The following PWWP2A variants were observed in gnomAD, a reference collection of about 807,000 sequenced individuals.
PWWP2A encodes PWWP domain-containing protein 2A.
A neutral mutation model predicts 48.5 loss-of-function variants in PWWP2A; 18 were observed. That is an observed-to-expected ratio of 0.37 (90% CI 0.26 to 0.55). The LOEUF (loss-of-function observed/expected upper bound fraction) is 0.55. Ranked by LOEUF, PWWP2A falls within the 20% of genes least tolerant of loss-of-function variation. The probability of loss-of-function intolerance (pLI) is 0.81; values close to 1 mark genes in which losing one functional copy is unlikely to be tolerated. For synonymous variants in PWWP2A, 396 were observed against 387.7 expected, an observed-to-expected ratio of 1.02 and a Z score of -0.25; for missense variants, 867 against 976.4, an observed-to-expected ratio of 0.89 and a Z score of 1.49.
the PWWP2A span, among the ~76,000 whole-genome samples, chr5:160,049,952 A>T: frequency 6.6e-6 from 1 of 152,014 alleles, no homozygotes; most frequent in Admixed American, 6.5e-5. Context: ...GGTCGTACAC[A>T]TCTGTAATCC....
At chr5:160,116,819 G>C in intron 1 of PWWP2A, 1 of 983,782 alleles carries the variant, frequency 1.0e-6, no homozygotes, top group Non-Finnish European at 1.2e-6. Context: ...GAGGCCGGGC[G>C]AGGTGGCTCA....
In PWWP2A at chr5:160,093,476, C is replaced by A. The variant is rs200970820; in HGVS notation, c.1174G>T (p.Ala392Ser). ...TTTACTACTCTGCCTCTGCTGTGAG[C>A]AATATTTGAAACCTTAACCACAGCA... Reference protein sequence around the residue: ...RNAVVKVSNIAHSRGRVVKVS... With the variant: ...RNAVVKVSNISHSRGRVVKVS... The change falls in exon 2 of 2, where the codon GCT becomes TCT. Residue 392 changes from alanine (A) to serine (S), a missense_variant. Ala to Ser is a moderately conservative substitution (Grantham distance 99). This residue lies in a region of PWWP2A where 382 missense variants were observed against 407.2 expected (regional missense o/e 0.94). Coordinates refer to ENST00000307063, the MANE Select transcript of PWWP2A (RefSeq NM_001130864.2). This position sits in a 1 kb window ranked among gnomAD's most constrained non-coding sequence, Gnocchi z 5.8. 3.3e-5 allele frequency: 54 copies of A among 1,613,904 alleles called. No homozygotes were observed. In the African/African-American group the frequency reaches 7.1e-4, roughly 21 times the overall value.
At position 160,104,518 on chromosome 5, in the gene PWWP2A, C is replaced by T. The variant is rs961332369; in HGVS notation, c.585-10453G>A. The stretch of plus-strand genomic sequence containing the variant: ...TGTATCTAAATTACTTTGTTAAAAA[C>T]GTGGCCAGGCACAGTGGCTCACACC... On this transcript the variant is annotated intron_variant, in intron 1 of 1. Transcript: ENST00000307063. Among the ~76,000 whole-genome samples the T allele has an allele frequency of 7.2e-5, 11 of 151,910 alleles. No individual in the cohort carries two copies. In the East Asian group the frequency reaches 1.7e-3, roughly 24 times the overall value.
At chr5:160,057,724 T>C (rs1215145598), downstream of PWWP2A, among the ~76,000 whole-genome samples, 2 of 152,190 alleles carry the variant, frequency 1.3e-5, no homozygotes, top group Non-Finnish European at 2.9e-5. This position sits in a 1 kb window ranked among gnomAD's most constrained non-coding sequence, Gnocchi z 4.4. Context: ...TCTCAAACCC[T>C]GCTGCTGCTT....
At chr5:160,069,961 C>A (rs1305581280) in intron 2 of PWWP2A, among the ~76,000 whole-genome samples, 1 of 152,234 alleles carries the variant, frequency 6.6e-6, no homozygotes, top group East Asian at 1.9e-4. Flanking sequence ...TATTCCCACA[C>A]TGTATCGTAA....
chr5:160,079,730 A>T (rs1341979282), intron 3 of PWWP2A, among the ~76,000 whole-genome samples: 1 of 152,226 alleles, frequency 6.6e-6, no homozygotes, highest in Non-Finnish European at 1.5e-5. Context: ...ACTCAAACAG[A>T]TCTTACTATT....
chr5:160,049,669 C>G, the PWWP2A span: 1 of 1,557,108 alleles, frequency 6.4e-7, no homozygotes, highest in Admixed American at 2.1e-5. Flanking sequence ...TATGGTAAAA[C>G]CTAAAATTTT....
intron 2 of PWWP2A, among the ~76,000 whole-genome samples, chr5:160,070,351 C>T (rs2113441737): frequency 6.6e-6 from 1 of 151,964 alleles, no homozygotes; most frequent in South Asian, 2.1e-4. Context: ...CACATGCTTT[C>T]AGCCCCAGCT....
At chr5:160,082,307 G>A (rs918338821) in intron 2 of PWWP2A, among the ~76,000 whole-genome samples, 45 of 151,946 alleles carry the variant, frequency 3.0e-4, no homozygotes, top group African/African-American at 1.0e-3. Context: ...AGCCGGGCGT[G>A]GTAGCGGGCG....
chr5:160,054,619 A>C, the PWWP2A span, among the ~76,000 whole-genome samples: 3 of 152,210 alleles, frequency 2.0e-5, no homozygotes, highest in African/African-American at 7.2e-5. Flanking sequence ...AAAAGAAAGA[A>C]AAAAGAAAAG....
intron 1 of PWWP2A, among the ~76,000 whole-genome samples, chr5:160,114,059 T>C (rs1443006937): frequency 2.6e-5 from 4 of 152,216 alleles, no homozygotes; most frequent in African/African-American, 4.8e-5. Flanking sequence ...TGGACCCTCA[T>C]AGAAAGCTCC....
At chr5:160,098,580 G>T (rs1755929212) in intron 1 of PWWP2A, among the ~76,000 whole-genome samples, 1 of 152,142 alleles carries the variant, frequency 6.6e-6, no homozygotes. Context: ...AGAGTTAAGA[G>T]TAGAAGTAAA....
At chr5:160,063,756 A>G (rs1012916624) in intron 4 of PWWP2A, 1 of 152,162 alleles carries the variant, frequency 6.6e-6, no homozygotes, top group African/African-American at 2.4e-5. Flanking sequence ...GAACATTCCT[A>G]GTTTCAGATG....
chr5:160,112,984 C>G (rs1170083309), intron 1 of PWWP2A, among the ~76,000 whole-genome samples: 1 of 152,154 alleles, frequency 6.6e-6, no homozygotes, highest in Non-Finnish European at 1.5e-5. Context: ...TGATGAAACA[C>G]TGTCTCTACT....
intron 1 of PWWP2A, among the ~76,000 whole-genome samples, chr5:160,108,110 T>C (rs1757084349): frequency 6.6e-6 from 1 of 151,890 alleles, no homozygotes; most frequent in South Asian, 2.1e-4. Context: ...TTTAATTCCA[T>C]AATTTGTTAC....
chr5:160,071,948 G>A (rs1374700211), downstream of PWWP2A, among the ~76,000 whole-genome samples: 3 of 152,176 alleles, frequency 2.0e-5, no homozygotes, highest in Non-Finnish European at 4.4e-5. Flanking sequence ...TGGATACTCT[G>A]TACTTGATAC....
intron 2 of PWWP2A, among the ~76,000 whole-genome samples, chr5:160,086,265 C>T (rs1262696701): frequency 6.6e-6 from 1 of 152,078 alleles, no homozygotes; most frequent in East Asian, 1.9e-4. Context: ...TACCTGTAAC[C>T]CCACCACTTT....
At chr5:160,049,307 G>A in the PWWP2A span, among the ~76,000 whole-genome samples, 7 of 152,046 alleles carry the variant, frequency 4.6e-5, no homozygotes, top group South Asian at 4.1e-4. Flanking sequence ...GAGGAGCTGC[G>A]ACACAGATGG....
the PWWP2A span, among the ~76,000 whole-genome samples, chr5:160,044,390 T>G: frequency 6.6e-6 from 1 of 152,316 alleles, no homozygotes; most frequent in Middle Eastern, 3.4e-3. Flanking sequence ...AGCAGCAATG[T>G]GGGCTGCTCA....
Sources: gnomAD v4.1 joint callset for allele counts (sites outside exome capture counted in the v4.1 genomes callset) on GRCh38, gnomAD v4.1.1 for gene constraint, gnomAD v4.1.1 regional missense constraint, Gnocchi (gnomAD v3.1) non-coding constraint, MANE v1.5 for transcripts, NCBI Gene and HGNC (gene_info 2026-07-23, HGNC 2026-07-21) for gene names.